The following GRID2 variants were observed in gnomAD, a reference collection of about 807,000 sequenced individuals.
The protein encoded by GRID2 is glutamate ionotropic receptor delta type subunit 2.
In GRID2, 33 loss-of-function variants were observed where a neutral mutation model predicts 114.8. The ratio of observed to expected loss-of-function variants is 0.29; its 90% CI spans 0.22 to 0.38. GRID2 has a LOEUF of 0.38. Ranked by LOEUF, GRID2 falls within the 10% of genes least tolerant of loss-of-function variation. GRID2 has a pLI of 1.00. For missense variants in GRID2, 1,184 were observed against 1,257.7 expected (o/e 0.94, Z 0.89); for synonymous variants, 505 against 449.9 (o/e 1.12, Z -1.55).
intron 9 of GRID2, among the ~76,000 whole-genome samples, chr4:93,421,021 G>A (rs538224659): frequency 6.6e-6 from 1 of 152,222 alleles, no homozygotes; most frequent in Middle Eastern, 3.4e-3. Context: ...CCAAAGTGCT[G>A]GGATATTTCT....
chr4:92,858,177 C>T (rs1744299238), intron 2 of GRID2, among the ~76,000 whole-genome samples: 1 of 152,204 alleles, frequency 6.6e-6, no homozygotes, highest in Non-Finnish European at 1.5e-5. Context: ...TACCTACTAA[C>T]ACAACATTCA....
intron 2 of GRID2, among the ~76,000 whole-genome samples, chr4:92,944,524 G>T (rs1042317111): frequency 6.6e-6 from 1 of 152,194 alleles, no homozygotes; most frequent in Admixed American, 6.5e-5. Context: ...ACACTTCCCG[G>T]TTGAGGCGAT....
At chr4:93,324,758 G>A (rs1463036223) in intron 8 of GRID2, among the ~76,000 whole-genome samples, 1 of 152,074 alleles carries the variant, frequency 6.6e-6, no homozygotes, top group Non-Finnish European at 1.5e-5. Context: ...TCCTGGTTTA[G>A]TCTTGGGAGG....
chr4:92,547,982 A>G (rs1726353955), intron 1 of GRID2, among the ~76,000 whole-genome samples: 1 of 152,188 alleles, frequency 6.6e-6, no homozygotes, highest in Admixed American at 6.5e-5. Flanking sequence ...TTAAGTAGAA[A>G]AAGAACTTAC....
chr4:92,683,588 C>T (rs901114908), intron 2 of GRID2, among the ~76,000 whole-genome samples: 1 of 151,714 alleles, frequency 6.6e-6, no homozygotes, highest in Non-Finnish European at 1.5e-5. Flanking sequence ...AATATACTTA[C>T]ATTTTTATAA....
chr4:93,074,773 C>T (rs7680942), intron 2 of GRID2, among the ~76,000 whole-genome samples: 64,824 of 151,866 alleles, frequency 0.43, 14,291 homozygotes, highest in Admixed American at 0.59. Flanking sequence ...AAAGAAGATA[C>T]CATATAAATT....
chr4:93,232,999 T>C (rs1388808254), intron 7 of GRID2, among the ~76,000 whole-genome samples: 1 of 152,156 alleles, frequency 6.6e-6, no homozygotes, highest in African/African-American at 2.4e-5. Context: ...TAGAAATATG[T>C]CATTGGAGGG....
chr4:93,519,187 T>C (rs1730099509), intron 13 of GRID2, among the ~76,000 whole-genome samples: 1 of 152,148 alleles, frequency 6.6e-6, no homozygotes, highest in Non-Finnish European at 1.5e-5. Context: ...TCTGGTGGGA[T>C]ATCAAACCTC....
At chr4:92,639,468 C>T (rs1165246919) in intron 2 of GRID2, among the ~76,000 whole-genome samples, 2 of 151,740 alleles carry the variant, frequency 1.3e-5, no homozygotes, top group African/African-American at 4.8e-5. Context: ...GAAAAAAATG[C>T]TATAAACGTT....
chr4:93,725,089 T>C (rs1729729006), intron 14 of GRID2, among the ~76,000 whole-genome samples: 1 of 152,140 alleles, frequency 6.6e-6, no homozygotes, highest in Non-Finnish European at 1.5e-5. Flanking sequence ...ACCCATTAAC[T>C]CATCATTTAC....
intron 2 of GRID2, among the ~76,000 whole-genome samples, chr4:93,026,539 AT>A (rs907864414): frequency 2.6e-5 from 4 of 151,626 alleles, no homozygotes; most frequent in African/African-American, 7.3e-5. Context: ...AATCAGTTCC[AT>A]TTTTTTTCTC....
chr4:92,681,213 G>A (rs1214378979), intron 2 of GRID2, among the ~76,000 whole-genome samples: 1 of 152,104 alleles, frequency 6.6e-6, no homozygotes. Flanking sequence ...ACAGGGACAG[G>A]GAACACATCA....
At chr4:93,511,139 G>T (rs540442104) in intron 12 of GRID2, among the ~76,000 whole-genome samples, 9 of 152,160 alleles carry the variant, frequency 5.9e-5, no homozygotes, top group Non-Finnish European at 1.0e-4. Context: ...GTTTCACCAT[G>T]TTGGCCAGGC....
chr4:92,410,630 C>G (rs1229025197), intron 1 of GRID2, among the ~76,000 whole-genome samples: 4 of 152,100 alleles, frequency 2.6e-5, no homozygotes, highest in Admixed American at 1.3e-4. Context: ...AATTTAAATC[C>G]TACTTCAAGC....
intron 1 of GRID2, among the ~76,000 whole-genome samples, chr4:92,382,439 C>A (rs373192198): frequency 6.6e-5 from 10 of 151,832 alleles, no homozygotes. Context: ...TGATTAATGT[C>A]TTTTTGTTCT....
chr4:93,701,314 T>A (rs971864066), intron 14 of GRID2, among the ~76,000 whole-genome samples: 4 of 152,120 alleles, frequency 2.6e-5, no homozygotes, highest in Non-Finnish European at 4.4e-5. Flanking sequence ...TGGAGGAGAT[T>A]TAAAATCTGA....
intron 1 of GRID2, among the ~76,000 whole-genome samples, chr4:92,364,953 C>T (rs1181510829): frequency 6.6e-6 from 1 of 151,966 alleles, no homozygotes; most frequent in Non-Finnish European, 1.5e-5. Context: ...TACTACATTC[C>T]TTCATCAATT....
chr4:93,449,810 G>T (rs922804946), intron 10 of GRID2, among the ~76,000 whole-genome samples: 1 of 152,048 alleles, frequency 6.6e-6, no homozygotes, highest in Non-Finnish European at 1.5e-5. Context: ...AGAATTAAAG[G>T]CTTGCTCCTC....
At chr4:92,874,906 G>A (rs1238048132) in intron 2 of GRID2, among the ~76,000 whole-genome samples, 2 of 152,028 alleles carry the variant, frequency 1.3e-5, no homozygotes, top group Middle Eastern at 3.2e-3. Flanking sequence ...TTCTGATGCA[G>A]ACCTGGTGTT....
Sources: gnomAD v4.1 joint callset for allele counts (sites outside exome capture counted in the v4.1 genomes callset) on GRCh38, gnomAD v4.1.1 for gene constraint, MANE v1.5 for transcripts, NCBI Gene and HGNC (gene_info 2026-07-23, HGNC 2026-07-21) for gene names.